TRAPPC9: variants seen among roughly 807,000 people sequenced by gnomAD.
TRAPPC9 encodes trafficking protein particle complex subunit 9.
Under a neutral mutation model 124.0 loss-of-function variants are expected in TRAPPC9, and 83 were observed. The ratio of observed to expected loss-of-function variants is 0.67; its 90% confidence interval spans 0.56 to 0.80. TRAPPC9 has a LOEUF of 0.80. TRAPPC9 is among the 30% of genes least tolerant of loss of function. The pLI is 0.00. For missense variants in TRAPPC9, 1,302 were observed against 1,508.3 expected (o/e 0.86, Z 2.27); for synonymous variants, 638 against 617.5 (o/e 1.03, Z -0.49).
intron 17 of TRAPPC9, among the ~76,000 whole-genome samples, chr8:140,078,730 G>T (rs962699732): frequency 3.3e-5 from 5 of 152,088 alleles, no homozygotes; most frequent in African/African-American, 1.2e-4. Flanking sequence ...TCACATGCAG[G>T]TACACAGGAG....
intron 2 of TRAPPC9, among the ~76,000 whole-genome samples, chr8:140,441,726 A>G (rs1034629477): frequency 6.6e-6 from 1 of 152,084 alleles, no homozygotes; most frequent in Non-Finnish European, 1.5e-5. Context: ...CCCCTTGCTC[A>G]GCTAATATTT....
At chr8:140,145,847 A>G (rs2061454345) in intron 17 of TRAPPC9, among the ~76,000 whole-genome samples, 1 of 118,400 alleles carries the variant, frequency 8.4e-6, no homozygotes, top group Non-Finnish European at 1.8e-5. Flanking sequence ...ACTCAGAGGT[A>G]TTTTTTATTT....
intron 17 of TRAPPC9, among the ~76,000 whole-genome samples, chr8:140,213,123 T>C (rs1179706086): frequency 1.3e-5 from 2 of 152,036 alleles, no homozygotes; most frequent in African/African-American, 2.4e-5. Context: ...TCTAATCTTC[T>C]TTTTTGTTGA....
intron 19 of TRAPPC9, among the ~76,000 whole-genome samples, chr8:139,953,086 G>A (rs1163732399): frequency 6.6e-6 from 1 of 152,174 alleles, no homozygotes; most frequent in East Asian, 1.9e-4. Context: ...AGGACACGAT[G>A]GAATAATCAA....
intron 17 of TRAPPC9, among the ~76,000 whole-genome samples, chr8:140,121,147 G>A (rs1392431736): frequency 3.3e-5 from 5 of 152,358 alleles, no homozygotes; most frequent in Middle Eastern, 6.8e-3. Flanking sequence ...CCACTGAGGA[G>A]TAACCCTGAA....
At chr8:140,313,129 CAAT>C (rs1192095969) in intron 9 of TRAPPC9, among the ~76,000 whole-genome samples, 1 of 152,176 alleles carries the variant, frequency 6.6e-6, no homozygotes, top group East Asian at 1.9e-4. Flanking sequence ...TACAACACAA[CAAT>C]GTTAATCTGA....
At chr8:140,094,219 C>T (rs910822669) in intron 17 of TRAPPC9, among the ~76,000 whole-genome samples, 1 of 152,176 alleles carries the variant, frequency 6.6e-6, no homozygotes, top group African/African-American at 2.4e-5. Flanking sequence ...CAACAGGCAC[C>T]GCTCACTGAG....
chr8:139,942,119 G>T (rs953984323), intron 19 of TRAPPC9, among the ~76,000 whole-genome samples: 5 of 152,140 alleles, frequency 3.3e-5, no homozygotes, highest in African/African-American at 1.2e-4. Flanking sequence ...CACTGAACTG[G>T]GCTGACGGAT....
intron 17 of TRAPPC9, among the ~76,000 whole-genome samples, chr8:140,207,834 T>C (rs1201798938): frequency 4.6e-5 from 7 of 152,228 alleles, no homozygotes. Flanking sequence ...TGTCAATGCC[T>C]AGATTATTTG....
intron 19 of TRAPPC9, among the ~76,000 whole-genome samples, chr8:139,975,839 A>G (rs1382876639): frequency 6.6e-6 from 1 of 152,052 alleles, no homozygotes; most frequent in Admixed American, 6.5e-5. Context: ...CTCTCTTCTA[A>G]TAAGTGTCTT....
chr8:140,195,499 T>C (rs34698174), intron 17 of TRAPPC9, among the ~76,000 whole-genome samples: 3 of 140,784 alleles, frequency 2.1e-5, no homozygotes, highest in East Asian at 2.2e-4. Context: ...ACCGCTCACA[T>C]CTGTGACACT....
At chr8:140,059,989 T>C (rs1201729449) in intron 17 of TRAPPC9, among the ~76,000 whole-genome samples, 1 of 152,238 alleles carries the variant, frequency 6.6e-6, no homozygotes, top group Non-Finnish European at 1.5e-5. Context: ...AGTGACAGGC[T>C]TTCCTCCCAG....
intron 17 of TRAPPC9, among the ~76,000 whole-genome samples, chr8:140,072,550 G>GAAAGGA: frequency 1.6e-5 from 1 of 61,412 alleles, no homozygotes; most frequent in African/African-American, 6.0e-5. Context: ...GGAGGAGGAA[G>GAAAGGA]AGGAGGAGGA....
chr8:140,183,483 G>GAA (rs1188361681), intron 17 of TRAPPC9, among the ~76,000 whole-genome samples: 1 of 152,200 alleles, frequency 6.6e-6, no homozygotes, highest in East Asian at 1.9e-4. Context: ...CAGCAGCTCT[G>GAA]AGAGTTCACA....
rs529413873 is a variant in TRAPPC9, at chr8:139,932,285, C to T, written c.2811-21985G>A. 658 of 457,454 alleles carry T rather than the reference C, an allele frequency of 1.4e-3. 3 individuals carry two copies. Among genetic ancestry groups the T allele is most frequent in the African/African-American group, 0.011 (567 of 50,196 alleles). The allele number at this position is 457,454 out of a possible 1,614,324, so 28.3% of individuals were successfully genotyped here. On this transcript the variant is annotated intron_variant, in intron 19 of 22. Coordinates refer to ENST00000438773, the MANE Select transcript of TRAPPC9 (RefSeq NM_001160372.4). Reference sequence around the variant, plus strand: ...ACGGGGCCTCGCTCAGGGTAGCCACCATGGGAGAATGTCCCCACCTCGTGG... The same window carrying T: ...ACGGGGCCTCGCTCAGGGTAGCCACTATGGGAGAATGTCCCCACCTCGTGG...
In TRAPPC9 at chr8:140,405,834, A is replaced by G. The variant is rs2069469902; in HGVS notation, c.887-136T>C. ...AATAATGTAAGTGTTTAGTCTTCAC[A>G]GCTTATATGCTTCCTATAATAGCCT... On this transcript the variant is annotated intron_variant, in intron 5 of 22. Transcript: ENST00000438773. 6 of 940,446 alleles carry G rather than the reference A, an allele frequency of 6.4e-6. No individual in the cohort carries two copies. The South Asian group carries it at 9.0e-5, about 14-fold the overall frequency. The allele number at this position is 940,446 out of a possible 1,614,324, so 58.3% of individuals were successfully genotyped here.
At chr8:140,117,341 CAAT>C (rs1467493613) in intron 17 of TRAPPC9, among the ~76,000 whole-genome samples, 2 of 152,112 alleles carry the variant, frequency 1.3e-5, no homozygotes, top group African/African-American at 4.8e-5. Context: ...AAGGAAACAA[CAAT>C]AAGGTAATTT....
chr8:140,397,335 G>A (rs576862304), intron 7 of TRAPPC9, among the ~76,000 whole-genome samples: 70 of 152,136 alleles, frequency 4.6e-4, no homozygotes, highest in Non-Finnish European at 8.4e-4. Flanking sequence ...GACAAGAGGC[G>A]TAAAGCTTGT....
intron 18 of TRAPPC9, among the ~76,000 whole-genome samples, chr8:139,993,383 T>C (rs1837764375): frequency 6.6e-6 from 1 of 152,166 alleles, no homozygotes; most frequent in African/African-American, 2.4e-5. Flanking sequence ...CCCAACCTAT[T>C]GGTAATATTT....
Sources: gnomAD v4.1 joint callset for allele counts (sites outside exome capture counted in the v4.1 genomes callset) on GRCh38, gnomAD v4.1.1 for gene constraint, MANE v1.5 for transcripts, NCBI Gene and HGNC (gene_info 2026-07-23, HGNC 2026-07-21) for gene names.